Variants in BROX observed in about 807,000 individuals in gnomAD.
BROX encodes the protein BRO1 domain-containing protein BROX.
A neutral mutation model predicts 61.0 loss-of-function variants in BROX; 53 were observed. That is an observed-to-expected ratio of 0.87 (90% CI 0.70 to 1.09). BROX has a LOEUF of 1.09. BROX is among the 50% of genes least tolerant of loss of function. BROX has a pLI of 0.00. For synonymous variants in BROX, 152 were observed against 160.2 expected, an observed-to-expected ratio of 0.95 and a Z score of 0.38; for missense variants, 489 against 472.0, an observed-to-expected ratio of 1.04 and a Z score of -0.33.
chr1:222,724,321 C>CA (rs1215753806), intron 6 of BROX, among the ~76,000 whole-genome samples, 157 bp downstream of exon 6: 1 of 152,140 alleles, frequency 6.6e-6, no homozygotes, highest in Non-Finnish European at 1.5e-5. Context: ...TTGATGAGTG[C>CA]AGCCAGTTAC....
chr1:222,715,806 T>C lies in BROX; in HGVS notation c.101+6T>C. The C allele has an allele frequency of 1.3e-6, 2 of 1,557,798 alleles. No individual in the cohort carries two copies. Reference sequence around the variant, plus strand: ...TCTGCTTCAAAAATATGCAAGTAAGTTTATTGATTGAACCACTCTTAGATG... The same window carrying C: ...TCTGCTTCAAAAATATGCAAGTAAGCTTATTGATTGAACCACTCTTAGATG... On this transcript the variant is annotated splice_donor_region_variant and intron_variant, in intron 2 of 12. Transcript: ENST00000340934.
At position 222,712,610 on chromosome 1, in the gene BROX, C is replaced by G. The variant is rs1020647538; in HGVS notation, c.-349C>G. On this transcript the variant is annotated 5_prime_UTR_variant, in exon 1 of 13. Coordinates refer to ENST00000340934, the MANE Select transcript of BROX (RefSeq NM_144695.4). ...GCTATTGCGGCATTCTCCCTCGGCTCCGGAGGTAGGGGCAACTCTTCTCTT... is the reference window on the plus strand; with the variant it reads ...GCTATTGCGGCATTCTCCCTCGGCTGCGGAGGTAGGGGCAACTCTTCTCTT... 1.7e-5 allele frequency: 23 copies of G among 1,343,166 alleles called. No homozygotes were observed. The Admixed American group carries it at 5.5e-4, about 32-fold the overall frequency. 83.2% of individuals were successfully genotyped at this position (1,343,166 alleles called of 1,614,324 possible).
At chr1:222,727,097 C>T in intron 7 of BROX, 71 bp from the exon 8 acceptor site, 1 of 1,040,894 alleles carries the variant, frequency 9.6e-7, no homozygotes. Context: ...CTGTCTTTTG[C>T]TATTATAATT....
At chr1:222,719,427 A>C in intron 4 of BROX, 68 bp downstream of exon 4, 1 of 1,078,648 alleles carries the variant, frequency 9.3e-7, no homozygotes, top group Non-Finnish European at 1.4e-6. Context: ...TGGTTAACTC[A>C]TAGCCTTTGT....
intron 4 of BROX, among the ~76,000 whole-genome samples, 196 bp downstream of exon 4, chr1:222,719,555 A>G (rs1205635214): frequency 1.3e-5 from 2 of 152,206 alleles, no homozygotes; most frequent in African/African-American, 4.8e-5. Context: ...TCCCAACCAA[A>G]TCTATTTTTG....
intron 5 of BROX, among the ~76,000 whole-genome samples, chr1:222,723,083 G>A (rs1657219864): frequency 6.6e-6 from 1 of 152,108 alleles, no homozygotes; most frequent in Admixed American, 6.5e-5. Flanking sequence ...TCCATACGTG[G>A]GAATAATATG....
At chr1:222,718,549 TA>T (rs1242540666) in intron 2 of BROX, among the ~76,000 whole-genome samples, 1 of 152,224 alleles carries the variant, frequency 6.6e-6, no homozygotes, top group East Asian at 1.9e-4. Context: ...CTTAGTTTTT[TA>T]TTCTTCTTTC....
At chr1:222,715,545 T>TA (rs932516549) in intron 1 of BROX, 139 bp from the exon 2 acceptor site, 2 of 382,726 alleles carry the variant, frequency 5.2e-6, no homozygotes, top group African/African-American at 2.1e-5. Flanking sequence ...CCGTCTCTAC[T>TA]AAAAAAATAA....
At chr1:222,728,550 T>C (rs1306592073) in intron 8 of BROX, among the ~76,000 whole-genome samples, 193 bp from the exon 9 acceptor site, 2 of 152,146 alleles carry the variant, frequency 1.3e-5, no homozygotes, top group Non-Finnish European at 2.9e-5. Flanking sequence ...TGCCATAGTA[T>C]TTAACCAATC....
At chr1:222,728,922 AT>A in intron 9 of BROX, 94 bp downstream of exon 9, 2 of 829,156 alleles carry the variant, frequency 2.4e-6, no homozygotes, top group Middle Eastern at 2.6e-4. Flanking sequence ...TTTCATTAGC[AT>A]TTTACAAATA....
intron 12 of BROX, among the ~76,000 whole-genome samples, chr1:222,732,211 C>T (rs2378605): frequency 0.9 from 137,619 of 152,104 alleles, 62,393 homozygotes; most frequent in East Asian, 1. Context: ...GGGTTCTTTT[C>T]TTAATTATTA....
In BROX at chr1:222,712,792, T is replaced by C. The variant is rs373731852; in HGVS notation, c.-167T>C. On this transcript the variant is annotated 5_prime_UTR_variant, in exon 1 of 13. Coordinates refer to ENST00000340934, the MANE Select transcript of BROX (RefSeq NM_144695.4). ...CTCGGTAGCTATCATGGCCGCCGGGTCACGTGACTCCGGCTTGGCGCCGTC... is the reference window on the plus strand; with the variant it reads ...CTCGGTAGCTATCATGGCCGCCGGGCCACGTGACTCCGGCTTGGCGCCGTC... 1,886 of 1,289,208 alleles carry C rather than the reference T, an allele frequency of 1.5e-3. 31 individuals are homozygous for C. In the East Asian group the frequency reaches 0.019, roughly 13 times the overall value. 79.9% of individuals were successfully genotyped at this position (1,289,208 alleles called of 1,614,324 possible). A position where few individuals can be genotyped will look rare whatever the true frequency, so the allele number is the denominator to read the frequency against.
At chr1:222,719,449 A>G in intron 4 of BROX, 90 bp downstream of exon 4, 1 of 888,704 alleles carries the variant, frequency 1.1e-6, no homozygotes, top group Non-Finnish European at 1.8e-6. Flanking sequence ...TTTGGAGAAG[A>G]AAAATACAGG....
At chr1:222,721,979 C>A (rs1395757854) in intron 4 of BROX, among the ~76,000 whole-genome samples, 2 of 152,096 alleles carry the variant, frequency 1.3e-5, no homozygotes, top group African/African-American at 4.8e-5. Flanking sequence ...TACCATTAAA[C>A]CTTCTTAATT....
intron 5 of BROX, among the ~76,000 whole-genome samples, chr1:222,722,878 T>C (rs73126803): frequency 0.061 from 9,316 of 152,220 alleles, 410 homozygotes; most frequent in East Asian, 0.13. Context: ...TATACTCTTA[T>C]AAATCAGCAA....
At chr1:222,718,797 C>G in intron 2 of BROX, 128 bp from the exon 3 acceptor site, 1 of 709,018 alleles carries the variant, frequency 1.4e-6, no homozygotes, top group Non-Finnish European at 2.5e-6. Context: ...AAAGCTTTTA[C>G]ATTGAAACCT....
At chr1:222,713,427 C>T (rs1016127117) in intron 1 of BROX, 13 of 985,072 alleles carry the variant, frequency 1.3e-5, no homozygotes, top group Non-Finnish European at 1.6e-5. Flanking sequence ...GTAGGTTCCT[C>T]TGGGGACTCG....
rs372955065 is a variant in BROX at position 222,727,225 on chromosome 1, C to A, written c.638C>A (p.Ala213Glu). The change falls in exon 8 of 13, where the codon GCG becomes GAG. Residue 213 changes from alanine to glutamate, a missense_variant. Physicochemically the swap from Ala to Glu is moderately radical, Grantham distance 107 (BLOSUM62 -1). Transcript: ENST00000340934. ...GCTCCTGGACTAATTGCTGCACTGG[C>A]GTATGAAACAGCCAATTTCTATCAA... is the stretch of plus-strand genomic sequence containing the variant. ...KHAPGLIAAL[A>E]YETANFYQKA... is the part of the protein sequence containing the mutation. 6.2e-7 allele frequency: 1 copy of A among 1,613,230 alleles called. No individual in the cohort carries two copies. Among genetic ancestry groups the A allele is most frequent in the South Asian group, 1.1e-5 (1 of 90,978 alleles).
At position 222,719,318 on chromosome 1, in the gene BROX, A is replaced by C. The variant is rs113449964; in HGVS notation, c.264A>C (p.Gln88His). 353 of 1,610,380 alleles carry C rather than the reference A, an allele frequency of 2.2e-4. 1 individual carries two copies. In the African/African-American group the frequency reaches 3.9e-3, roughly 18 times the overall value. Residue 88 changes from glutamine (Q) to histidine (H), a missense_variant, in exon 4 of 13, where the codon CAA (glutamine) becomes CAC (histidine). By Grantham distance (24) the Gln-to-His change is conservative (BLOSUM62 0). Transcript: ENST00000340934. ...AAGAAAGCAAGTTACGATATATTCA[A>C]AATTTCAAGTGGACTGATACATTGC... ...STQESKLRYI[Q>H]NFKWTDTLQG...
Sources: gnomAD v4.1 joint callset for allele counts (sites outside exome capture counted in the v4.1 genomes callset) on GRCh38, gnomAD v4.1.1 for gene constraint, MANE v1.5 for transcripts, NCBI Gene and HGNC (gene_info 2026-07-23, HGNC 2026-07-21) for gene names.